Variants in DCC observed in about 807,000 individuals in gnomAD.
DCC encodes netrin receptor DCC.
In DCC, 58 loss-of-function variants were observed where a neutral mutation model predicts 172.5. The ratio of observed to expected loss-of-function variants is 0.34; its 90% CI spans 0.27 to 0.42. The LOEUF (loss-of-function observed/expected upper bound fraction) is 0.42. DCC is among the 10% of genes least tolerant of loss of function. DCC has a pLI of 1.00. For missense variants in DCC, 1,740 were observed against 1,791.0 expected, an observed-to-expected ratio of 0.97 and a Z score of 0.51; for synonymous variants, 709 against 644.5, an observed-to-expected ratio of 1.10 and a Z score of -1.52.
Position 53,263,666 on chromosome 18 carries a change from C to T in DCC, c.1912-41912C>T, listed in dbSNP as rs901071095. Among the ~76,000 whole-genome samples the T allele has an allele frequency of 1.2e-4, 18 of 152,086 alleles. No individual in the cohort carries two copies. The East Asian group carries it at 1.4e-3, about 11-fold the overall frequency. On this transcript the variant is annotated intron_variant, in intron 12 of 28. Transcript: ENST00000442544. The stretch of plus-strand genomic sequence containing the variant: ...CAAACTTTTTTAGACATAAATATTA[C>T]GGAAGTTCTGTACTAAAGTTGTGCA...
intron 1 of DCC, among the ~76,000 whole-genome samples, chr18:52,693,904 G>T (rs575585048): frequency 4.6e-5 from 7 of 152,250 alleles, no homozygotes; most frequent in African/African-American, 1.7e-4. Context: ...AAATGGGGAA[G>T]AAGTCATAAA....
chr18:52,367,606 ATCT>A (rs1256325591), intron 1 of DCC, among the ~76,000 whole-genome samples: 1 of 152,110 alleles, frequency 6.6e-6, no homozygotes, highest in Non-Finnish European at 1.5e-5. Flanking sequence ...GGCAGAGCCA[ATCT>A]TCTTTTCTTG....
chr18:53,096,337 T>TA lies in DCC; in HGVS notation c.1261+30177dup, dbSNP rs569069705. Among the ~76,000 whole-genome samples the TA allele has an allele frequency of 3.7e-3, 561 of 151,826 alleles. 2 individuals carry two copies. Among genetic ancestry groups the TA allele is most frequent in the African/African-American group, 0.013 (529 of 41,414 alleles). ...CTAGATGACAGTGAGGCCTTGTAGC[T>TA]AAAAAAGAATAAAAAAGAAGAGAAA... On this transcript the variant is annotated intron_variant, in intron 7 of 28. Coordinates refer to ENST00000442544, the MANE Select transcript of DCC (RefSeq NM_005215.4).
intron 5 of DCC, among the ~76,000 whole-genome samples, chr18:52,980,834 A>C (rs1156467615): frequency 6.6e-6 from 1 of 152,130 alleles, no homozygotes; most frequent in Admixed American, 6.5e-5. Context: ...AAGTGAAAGA[A>C]AAGAATAGGC....
At chr18:53,446,371 A>G (rs1912614619) in intron 22 of DCC, among the ~76,000 whole-genome samples, 2 of 152,212 alleles carry the variant, frequency 1.3e-5, no homozygotes, top group South Asian at 4.2e-4. Flanking sequence ...ACTGTGGTGC[A>G]ACTATTATCT....
At chr18:52,414,121 T>C (rs1222936) in intron 1 of DCC, among the ~76,000 whole-genome samples, 110,749 of 152,016 alleles carry the variant, frequency 0.73, 40,538 homozygotes, top group African/African-American at 0.76. Context: ...GCTCTTGTTG[T>C]CCAGGCTGGA....
chr18:53,123,694 T>G (rs974937904), intron 7 of DCC, among the ~76,000 whole-genome samples: 1 of 152,108 alleles, frequency 6.6e-6, no homozygotes, highest in Non-Finnish European at 1.5e-5. Context: ...GGTTTTTCTT[T>G]GTTTCATTCT....
At chr18:52,621,741 C>T (rs1354502130) in intron 1 of DCC, among the ~76,000 whole-genome samples, 1 of 152,164 alleles carries the variant, frequency 6.6e-6, no homozygotes, top group Admixed American at 6.5e-5. Context: ...AAAGTGTGAA[C>T]TCGAATGTTT....
At chr18:53,351,460 CAG>C (rs1438019846) in intron 15 of DCC, among the ~76,000 whole-genome samples, 25 of 21,560 alleles carry the variant, frequency 1.2e-3, no homozygotes, top group South Asian at 3.8e-3. Context: ...TATATATACA[CAG>C]TGTGTATATA....
At chr18:52,344,884 A>G (rs1294712448) in intron 1 of DCC, among the ~76,000 whole-genome samples, 1 of 152,226 alleles carries the variant, frequency 6.6e-6, no homozygotes, top group Non-Finnish European at 1.5e-5. Context: ...ACATCCACAC[A>G]CAAACAAGGA....
intron 1 of DCC, among the ~76,000 whole-genome samples, chr18:52,684,947 C>A (rs1374083516): frequency 6.6e-6 from 1 of 152,090 alleles, no homozygotes; most frequent in Non-Finnish European, 1.5e-5. Context: ...CAGGATGAAT[C>A]TGTTTCTCAA....
Position 52,347,863 on chromosome 18 carries a change from G to T in DCC, c.91+6985G>T, listed in dbSNP as rs180783147. 4.6e-5 allele frequency among the ~76,000 whole-genome samples: 7 copies of T among 152,098 alleles called. No individual in the cohort carries two copies. The East Asian group carries it at 1.2e-3, about 25-fold the overall frequency. On this transcript the variant is annotated intron_variant, in intron 1 of 28. Transcript: ENST00000442544. Reference sequence around the variant, plus strand: ...ACACTATATAATTTATTTAAATTATGAACTGTACTATACATATAGTGTTTG... The same window carrying T: ...ACACTATATAATTTATTTAAATTATTAACTGTACTATACATATAGTGTTTG...
chr18:53,129,762 T>G (rs974502879), intron 7 of DCC, among the ~76,000 whole-genome samples: 4 of 152,170 alleles, frequency 2.6e-5, no homozygotes, highest in Admixed American at 6.6e-5. Context: ...GAACGCTTTC[T>G]AATTTTTGAC....
At chr18:52,604,160 G>A (rs1314044470) in intron 1 of DCC, among the ~76,000 whole-genome samples, 1 of 151,966 alleles carries the variant, frequency 6.6e-6, no homozygotes, top group Non-Finnish European at 1.5e-5. Flanking sequence ...TAACTCTGCT[G>A]TTCAAGGACT....
chr18:52,810,654 C>A (rs538054681), intron 2 of DCC, among the ~76,000 whole-genome samples: 63 of 151,972 alleles, frequency 4.1e-4, no homozygotes, highest in African/African-American at 1.5e-3. Flanking sequence ...GGTGAGTATG[C>A]AAAAATGGTC....
chr18:53,112,201 C>A (rs549852023), intron 7 of DCC, among the ~76,000 whole-genome samples: 1 of 151,436 alleles, frequency 6.6e-6, no homozygotes, highest in Non-Finnish European at 1.5e-5. Flanking sequence ...CATAAAAACA[C>A]CGCTAACATT....
At chr18:52,878,154 A>G (rs1193463220) in intron 2 of DCC, among the ~76,000 whole-genome samples, 1 of 152,030 alleles carries the variant, frequency 6.6e-6, no homozygotes, top group Non-Finnish European at 1.5e-5. Context: ...TGTAAACCAA[A>G]CTGACACAGT....
intron 1 of DCC, among the ~76,000 whole-genome samples, chr18:52,680,350 A>C (rs1865354742): frequency 6.6e-6 from 1 of 152,050 alleles, no homozygotes; most frequent in African/African-American, 2.4e-5. Flanking sequence ...TTTCCAGGAG[A>C]AGAAGGCCAG....
intron 2 of DCC, among the ~76,000 whole-genome samples, chr18:52,865,112 G>A (rs1194395582): frequency 1.1e-4 from 16 of 152,016 alleles, no homozygotes; most frequent in East Asian, 7.8e-4. Context: ...TGATCCTCCC[G>A]CCTTGGCCTC....
Sources: gnomAD v4.1 joint callset for allele counts (sites outside exome capture counted in the v4.1 genomes callset) on GRCh38, gnomAD v4.1.1 for gene constraint, MANE v1.5 for transcripts, NCBI Gene and HGNC (gene_info 2026-07-23, HGNC 2026-07-21) for gene names.